Variants in PRRC1 observed in about 807,000 individuals in gnomAD.
PRRC1 encodes protein PRRC1.
In PRRC1, 39 loss-of-function variants were observed where a neutral mutation model predicts 40.7. That is an observed-to-expected ratio of 0.96 (90% CI 0.74 to 1.25). The LOEUF (loss-of-function observed/expected upper bound fraction) is 1.25, where lower values mean the gene tolerates loss of function less well. Ranked by LOEUF, PRRC1 falls within the 50% of genes most tolerant of loss-of-function variation. The probability of loss-of-function intolerance (pLI) is 0.00; values close to 1 mark genes in which losing one functional copy is unlikely to be tolerated. For synonymous variants in PRRC1, 175 were observed against 193.3 expected (o/e 0.91, Z 0.79); for missense variants, 573 against 548.3 (o/e 1.05, Z -0.45).
chr5:127,548,094 T>A (rs935070848), intron 8 of PRRC1, 173 bp downstream of exon 8: 1 of 663,542 alleles, frequency 1.5e-6, no homozygotes, highest in Admixed American at 2.4e-5. Flanking sequence ...CCATGTTGTT[T>A]TAGTACCTTC....
chr5:127,547,871 C>G lies in PRRC1; in HGVS notation c.1078C>G (p.Leu360Val), dbSNP rs1381479312. Residue 360 changes from leucine (L) to valine (V), a missense_variant, in exon 8 of 9, where the codon CTA becomes GTA. By Grantham distance (32) the Leu-to-Val change is conservative. Transcript: ENST00000296666. The stretch of plus-strand genomic sequence containing the variant: ...TGAAGATCCTGTCCATGGCATTCAT[C>G]TAGAAACATTTACACAAGCCACACC... ...VVEDPVHGIH[L>V]ETFTQATPVP... 6.2e-7 allele frequency: 1 copy of G among 1,613,584 alleles called. No individual in the cohort carries two copies. Among genetic ancestry groups the G allele is most frequent in the African/African-American group, 1.3e-5 (1 of 74,910 alleles).
In PRRC1 at chr5:127,533,900, A is replaced by G. The variant is rs549735108; in HGVS notation, c.921+114A>G. On this transcript the variant is annotated intron_variant, in intron 6 of 8. Transcript: ENST00000296666. ...TAGACTTTTACATACTGAAATAACA[A>G]TGAACTTTGCTTTTAGTAGACAGCC... The G allele has an allele frequency of 1.9e-5, 22 of 1,162,558 alleles. No homozygotes were observed. In the Admixed American group the frequency reaches 3.4e-4, roughly 18 times the overall value. 72.0% of individuals were successfully genotyped at this position (1,162,558 alleles called of 1,614,324 possible). A position where few individuals can be genotyped will look rare whatever the true frequency, so the allele number is the denominator to read the frequency against.
At chr5:127,521,269 G>T (rs1767450967) in intron 1 of PRRC1, among the ~76,000 whole-genome samples, 1 of 152,134 alleles carries the variant, frequency 6.6e-6, no homozygotes, top group Non-Finnish European at 1.5e-5. Flanking sequence ...TTGGTCACCT[G>T]CTCTGACCTT....
chr5:127,547,703 A>G, intron 7 of PRRC1, 116 bp from the exon 8 acceptor site: 2 of 565,854 alleles, frequency 3.5e-6, no homozygotes, highest in Non-Finnish European at 6.0e-6. Flanking sequence ...TAAGAAAAAG[A>G]TTTCCTTTTT....
intron 1 of PRRC1, among the ~76,000 whole-genome samples, chr5:127,520,190 C>T (rs1223722985): frequency 1.3e-5 from 2 of 152,172 alleles, no homozygotes; most frequent in Non-Finnish European, 2.9e-5. Context: ...AGTAGTAGCC[C>T]TCTAGTAGTG....
chr5:127,551,239 A>G (rs1200137036), intron 8 of PRRC1: 1 of 162,522 alleles, frequency 6.2e-6, no homozygotes, highest in Non-Finnish European at 1.4e-5. Flanking sequence ...TCAGTGGTTG[A>G]TGTTGTCCAG....
chr5:127,521,973 A>G (rs1767472241), intron 1 of PRRC1, among the ~76,000 whole-genome samples: 1 of 152,224 alleles, frequency 6.6e-6, no homozygotes, highest in Non-Finnish European at 1.5e-5. Context: ...CTCAGAGCAC[A>G]TAATTCAGCT....
rs1437042679 is a variant in PRRC1, at chr5:127,533,727, G to A, written c.862G>A (p.Gly288Arg). Residue 288 changes from glycine (G) to arginine (R), a missense_variant, in exon 6 of 9, where the codon GGG (glycine) becomes AGG (arginine). Physicochemically the swap from Gly to Arg is moderately radical, Grantham distance 125 (BLOSUM62 -2). Coordinates refer to ENST00000296666, the MANE Select transcript of PRRC1 (RefSeq NM_130809.5). ...GGTCTTTGGCTTAGCTGTGGTTGTA[G>A]GGGAAGCTGGACAGTCCAATATTGC... ...QEVFGLAVVV[G>R]EAGQSNIAPQ... is the part of the protein sequence containing the mutation. 1 of 1,614,112 alleles carries A rather than the reference G, an allele frequency of 6.2e-7. No individual in the cohort carries two copies. The highest frequency in any genetic ancestry group is 8.5e-7 in the Non-Finnish European group (1 of 1,180,002).
At position 127,552,408 on chromosome 5, in the gene PRRC1, A is replaced by G. The variant is rs1366225328; in HGVS notation, c.*492A>G. The G allele has an allele frequency of 4.3e-6, 4 of 932,588 alleles. No individual in the cohort carries two copies. The highest frequency in any genetic ancestry group is 5.1e-6 in the Non-Finnish European group (4 of 780,366). 57.8% of individuals were successfully genotyped at this position (932,588 alleles called of 1,614,324 possible). ...CTGAGCAGCCTGCTCAACAGTCACT[A>G]TAAGACACCTACTTGTCGGGAGATG... On this transcript the variant is annotated 3_prime_UTR_variant, in exon 9 of 9. Coordinates refer to ENST00000296666, the MANE Select transcript of PRRC1 (RefSeq NM_130809.5).
chr5:127,539,200 C>T (rs1402512477), intron 7 of PRRC1, 57 bp downstream of exon 7: 16 of 1,317,028 alleles, frequency 1.2e-5, no homozygotes, highest in Admixed American at 1.7e-5. Context: ...GGAGTTGACA[C>T]TGAATACTTA....
rs752050449 is a variant in PRRC1 at position 127,530,416 on chromosome 5, C to T, written c.757+20C>T. 79 of 1,565,446 alleles carry T rather than the reference C, an allele frequency of 5.0e-5. No homozygotes were observed. Among genetic ancestry groups the T allele is most frequent in the Admixed American group, 1.2e-4 (7 of 58,276 alleles). On this transcript the variant is annotated intron_variant, in intron 5 of 8. Transcript: ENST00000296666. ...ATATCAGTATGTACATAAGTTAGAC[C>T]GGTATCTGCCATTTTTTTTTTAAGG...
chr5:127,537,791 G>T (rs1285184863), intron 6 of PRRC1, among the ~76,000 whole-genome samples: 4 of 151,900 alleles, frequency 2.6e-5, no homozygotes, highest in African/African-American at 9.7e-5. Flanking sequence ...AGCCATAACT[G>T]CTTCCTGGGA....
At chr5:127,530,164 C>T in intron 4 of PRRC1, 130 bp from the exon 5 acceptor site, 1 of 664,588 alleles carries the variant, frequency 1.5e-6, no homozygotes, top group Non-Finnish European at 2.5e-6. Flanking sequence ...TTGTCATGAC[C>T]TTATATATCT....
rs1364634886 is a variant in PRRC1 at position 127,554,882 on chromosome 5, A to G, written c.*2966A>G. On this transcript the variant is annotated 3_prime_UTR_variant, in exon 9 of 9. Coordinates refer to ENST00000296666, the MANE Select transcript of PRRC1 (RefSeq NM_130809.5). ...GTTCCTTGGCTAGAAAAAATTATAA[A>G]CAGGACTTTGTAGTTTGGGAAGCCA... 6.6e-6 allele frequency: 1 copy of G among 152,636 alleles called. No homozygotes were observed. Among genetic ancestry groups the G allele is most frequent in the Non-Finnish European group, 1.5e-5 (1 of 68,038 alleles). The allele number at this position is 152,636 out of a possible 1,614,324, so 9.5% of individuals were successfully genotyped here.
chr5:127,530,891 T>C (rs1170856657), intron 5 of PRRC1, among the ~76,000 whole-genome samples: 2 of 152,216 alleles, frequency 1.3e-5, no homozygotes, highest in East Asian at 3.8e-4. Context: ...TAACCACCTC[T>C]GAACACTAAT....
intron 6 of PRRC1, among the ~76,000 whole-genome samples, chr5:127,535,553 T>A (rs754230125): frequency 6.6e-6 from 1 of 152,208 alleles, no homozygotes; most frequent in Non-Finnish European, 1.5e-5. Context: ...ATTTTGAGAT[T>A]ATAAATAAAT....
intron 7 of PRRC1, among the ~76,000 whole-genome samples, chr5:127,541,938 T>G (rs1768059242): frequency 6.6e-6 from 1 of 151,942 alleles, no homozygotes; most frequent in African/African-American, 2.4e-5. Context: ...TGTTTGCTCT[T>G]GCTTTTCTAG....
At chr5:127,533,539 T>C in intron 5 of PRRC1, 84 bp from the exon 6 acceptor site, 2 of 1,084,648 alleles carry the variant, frequency 1.8e-6, no homozygotes, top group Non-Finnish European at 2.7e-6. Context: ...TTATGTATAT[T>C]AGATGTTAGC....
rs1768427141 is a variant in PRRC1, at chr5:127,552,817, A to G, written c.*901A>G. On this transcript the variant is annotated 3_prime_UTR_variant, in exon 9 of 9. Coordinates refer to ENST00000296666, the MANE Select transcript of PRRC1 (RefSeq NM_130809.5). Reference sequence around the variant, plus strand: ...GTTACTTTATTGCTTGTGGGTTAGTATGTCTCTTACTTCAATTAAGGTTAC... The same window carrying G: ...GTTACTTTATTGCTTGTGGGTTAGTGTGTCTCTTACTTCAATTAAGGTTAC... The G allele has an allele frequency of 1.0e-6, 1 of 985,416 alleles. No individual in the cohort carries two copies. Among genetic ancestry groups the G allele is most frequent in the Admixed American group, 6.2e-5 (1 of 16,252 alleles). 61.0% of individuals were successfully genotyped at this position (985,416 alleles called of 1,614,324 possible). A position where few individuals can be genotyped will look rare whatever the true frequency, so the allele number is the denominator to read the frequency against.
Sources: gnomAD v4.1 joint callset for allele counts (sites outside exome capture counted in the v4.1 genomes callset) on GRCh38, gnomAD v4.1.1 for gene constraint, MANE v1.5 for transcripts, NCBI Gene and HGNC (gene_info 2026-07-23, HGNC 2026-07-21) for gene names.